Variants in DLGAP1 observed in about 807,000 individuals in gnomAD.
DLGAP1 encodes disks large-associated protein 1.
Under a neutral mutation model 90.8 loss-of-function variants are expected in DLGAP1, and 11 were observed. That is an observed-to-expected ratio of 0.12 (90% CI 0.08 to 0.20). DLGAP1 has a LOEUF of 0.20. Ranked by LOEUF, DLGAP1 falls within the 10% of genes least tolerant of loss-of-function variation. The probability of loss-of-function intolerance (pLI) is 1.00; values close to 1 mark genes in which losing one functional copy is unlikely to be tolerated. For missense variants in DLGAP1, 1,050 were observed against 1,333.8 expected, an observed-to-expected ratio of 0.79 and a Z score of 3.31; for synonymous variants, 558 against 540.7, an observed-to-expected ratio of 1.03 and a Z score of -0.44.
chr18:3,530,383 G>A (rs1398903372), intron 10 of DLGAP1, among the ~76,000 whole-genome samples: 1 of 151,816 alleles, frequency 6.6e-6, no homozygotes, highest in African/African-American at 2.4e-5. Context: ...CTCCAGCCTG[G>A]GTCACAGGGC....
At chr18:3,960,156 C>T (rs2073168984) in intron 3 of DLGAP1, among the ~76,000 whole-genome samples, 1 of 152,236 alleles carries the variant, frequency 6.6e-6, no homozygotes, top group South Asian at 2.1e-4. Context: ...AACCACTTTA[C>T]GTTTCATTTC....
At chr18:3,784,580 T>G (rs2065356808) in intron 5 of DLGAP1, among the ~76,000 whole-genome samples, 1 of 152,154 alleles carries the variant, frequency 6.6e-6, no homozygotes, top group Admixed American at 6.5e-5. Context: ...GTGCGTTCTC[T>G]GATTAGGCCT....
At chr18:4,386,675 C>T (rs2082236342) in intron 1 of DLGAP1, among the ~76,000 whole-genome samples, 1 of 152,100 alleles carries the variant, frequency 6.6e-6, no homozygotes, top group African/African-American at 2.4e-5. Context: ...TGAGAAAGAT[C>T]ACATATGCAG....
chr18:4,190,406 A>G (rs8082893), intron 1 of DLGAP1, among the ~76,000 whole-genome samples: 68,578 of 151,858 alleles, frequency 0.45, 16,908 homozygotes, highest in East Asian at 0.71. Context: ...AAAACTTTAG[A>G]GCATTGAAAC....
At chr18:4,164,531 T>A (rs1261503900) in intron 1 of DLGAP1, among the ~76,000 whole-genome samples, 1 of 151,764 alleles carries the variant, frequency 6.6e-6, no homozygotes. Context: ...AATACAAAAA[T>A]TAGCTGGCTG....
chr18:4,438,965 C>T (rs1273980187), intron 1 of DLGAP1, among the ~76,000 whole-genome samples: 1 of 152,228 alleles, frequency 6.6e-6, no homozygotes, highest in South Asian at 2.1e-4. Flanking sequence ...CTACAAAACA[C>T]TGTGGCTAGC....
chr18:4,068,843 C>T (rs1439040491), intron 2 of DLGAP1, among the ~76,000 whole-genome samples: 1 of 152,208 alleles, frequency 6.6e-6, no homozygotes, highest in African/African-American at 2.4e-5. Flanking sequence ...GATGTCCACG[C>T]GTACAGGTGA....
intron 1 of DLGAP1, among the ~76,000 whole-genome samples, chr18:4,160,104 T>C (rs930997801): frequency 3.3e-5 from 5 of 152,234 alleles, no homozygotes; most frequent in African/African-American, 1.2e-4. Context: ...TATTGCACTA[T>C]TTGGTAATAT....
intron 7 of DLGAP1, among the ~76,000 whole-genome samples, chr18:3,629,475 T>G (rs554045538): frequency 7.7e-4 from 117 of 151,998 alleles, no homozygotes; most frequent in African/African-American, 2.7e-3. Flanking sequence ...ATCGAGACCA[T>G]CCTGGCTAAC....
intron 1 of DLGAP1, among the ~76,000 whole-genome samples, chr18:4,448,444 C>T (rs1400990645): frequency 2.0e-5 from 3 of 152,138 alleles, no homozygotes; most frequent in Admixed American, 2.0e-4. Flanking sequence ...AAATACCTGA[C>T]ATCTATCATC....
At chr18:4,257,046 C>A (rs1000105008) in intron 1 of DLGAP1, among the ~76,000 whole-genome samples, 1 of 152,092 alleles carries the variant, frequency 6.6e-6, no homozygotes, top group East Asian at 1.9e-4. Flanking sequence ...AATGTTAGCA[C>A]GTGTACTCAC....
chr18:4,029,617 C>T (rs2074760287), intron 2 of DLGAP1, among the ~76,000 whole-genome samples: 1 of 152,168 alleles, frequency 6.6e-6, no homozygotes, highest in African/African-American at 2.4e-5. Flanking sequence ...AAGTGACTTG[C>T]TAATGCCCAC....
In DLGAP1 at chr18:3,546,754, A is replaced by G. The variant is rs577848534; in HGVS notation, c.2058-12139T>C. ...GGATATAGTTAAAGCAGTAGACACC[A>G]TTAGTCAAAAAGAATTAAGGTTTCA... On this transcript the variant is annotated intron_variant, in intron 9 of 12. Coordinates refer to ENST00000315677, the MANE Select transcript of DLGAP1 (RefSeq NM_004746.4). Among the ~76,000 whole-genome samples, 122 of 152,294 alleles carry G rather than the reference A, an allele frequency of 8.0e-4. 2 individuals are homozygous for G. The highest frequency in any genetic ancestry group is 2.6e-3 in the African/African-American group (109 of 41,590).
At chr18:4,365,942 G>C (rs368768585) in intron 1 of DLGAP1, among the ~76,000 whole-genome samples, 1 of 151,988 alleles carries the variant, frequency 6.6e-6, no homozygotes. Flanking sequence ...TGTTATCAGC[G>C]TAAACTTGTC....
chr18:4,286,104 C>T (rs1289472299), intron 1 of DLGAP1, among the ~76,000 whole-genome samples: 1 of 152,090 alleles, frequency 6.6e-6, no homozygotes. Flanking sequence ...GGGACACTGT[C>T]AAAGGACTGA....
intron 5 of DLGAP1, among the ~76,000 whole-genome samples, chr18:3,806,785 A>C (rs749414461): frequency 1.1e-4 from 17 of 152,188 alleles, no homozygotes; most frequent in Non-Finnish European, 2.2e-4. Context: ...TTGTTGCCAG[A>C]AACCTTAGCC....
chr18:3,765,130 CTT>C (rs1212463684), intron 5 of DLGAP1, among the ~76,000 whole-genome samples: 8 of 113,208 alleles, frequency 7.1e-5, no homozygotes, highest in Admixed American at 2.1e-4. Context: ...TTTTTTTTTT[CTT>C]TTTTTTTTTT....
chr18:4,153,831 G>T (rs559643887), intron 1 of DLGAP1, among the ~76,000 whole-genome samples: 2 of 152,204 alleles, frequency 1.3e-5, no homozygotes, highest in Non-Finnish European at 2.9e-5. Flanking sequence ...GTTGTCAAAG[G>T]GGTCCTCGTT....
chr18:3,824,097 T>C (rs901046783), intron 4 of DLGAP1, among the ~76,000 whole-genome samples: 1 of 152,164 alleles, frequency 6.6e-6, no homozygotes, highest in African/African-American at 2.4e-5. Flanking sequence ...TGGAGGCATA[T>C]CTGTTGGCTT....
Sources: gnomAD v4.1 joint callset for allele counts (sites outside exome capture counted in the v4.1 genomes callset) on GRCh38, gnomAD v4.1.1 for gene constraint, MANE v1.5 for transcripts, NCBI Gene and HGNC (gene_info 2026-07-23, HGNC 2026-07-21) for gene names.